ESRRB: variants seen among roughly 807,000 people sequenced by gnomAD.
ESRRB encodes estrogen related receptor beta.
A neutral mutation model predicts 46.0 loss-of-function variants in ESRRB; 16 were observed. The observed-to-expected ratio is 0.35, with a 90% CI of 0.24 to 0.53. ESRRB has a LOEUF of 0.53. ESRRB is among the 20% of genes least tolerant of loss of function. ESRRB has a pLI of 0.93. For missense variants in ESRRB, 488 were observed against 607.4 expected (o/e 0.80, Z 2.07); for synonymous variants, 246 against 259.6 (o/e 0.95, Z 0.50).
chr14:76,456,038 G>GCACACACACACACACA (rs60824171), intron 2 of ESRRB, among the ~76,000 whole-genome samples: 25 of 137,286 alleles, frequency 1.8e-4, no homozygotes, highest in African/African-American at 6.2e-4. Flanking sequence ...AGCGAAACTC[G>GCACACACACACACACA]CACACACACA....
intron 5 of ESRRB, among the ~76,000 whole-genome samples, chr14:76,488,232 G>A (rs2140043517): frequency 6.6e-6 from 1 of 152,322 alleles, no homozygotes; most frequent in Middle Eastern, 3.4e-3. Context: ...GAAGAAGGCT[G>A]TATCACCAAT....
At chr14:76,465,942 G>A (rs918906173) in intron 3 of ESRRB, among the ~76,000 whole-genome samples, 1 of 152,226 alleles carries the variant, frequency 6.6e-6, no homozygotes, top group African/African-American at 2.4e-5. Flanking sequence ...GACCCCCTTG[G>A]GAGGAGCATC....
At chr14:76,488,943 A>C (rs1312575266) in intron 5 of ESRRB, among the ~76,000 whole-genome samples, 1 of 152,140 alleles carries the variant, frequency 6.6e-6, no homozygotes, top group Non-Finnish European at 1.5e-5. Context: ...GGCAGGGAGC[A>C]GTTCTGGACT....
At chr14:76,406,858 A>G (rs934660155) in intron 1 of ESRRB, among the ~76,000 whole-genome samples, 5 of 152,190 alleles carry the variant, frequency 3.3e-5, no homozygotes, top group South Asian at 2.1e-4. Flanking sequence ...TAAACAGACT[A>G]ATTGGGTAGG....
intron 3 of ESRRB, among the ~76,000 whole-genome samples, chr14:76,464,316 C>T (rs1394528962): frequency 6.6e-6 from 1 of 152,174 alleles, no homozygotes; most frequent in African/African-American, 2.4e-5. Context: ...CTCCTGCTAC[C>T]CCCTCTCCCA....
At chr14:76,343,476 C>G (rs1209982144) in intron 1 of ESRRB, among the ~76,000 whole-genome samples, 2 of 152,192 alleles carry the variant, frequency 1.3e-5, no homozygotes, top group Non-Finnish European at 2.9e-5. Flanking sequence ...GTGGGCAGGG[C>G]TTGGGGAGAG....
intron 1 of ESRRB, among the ~76,000 whole-genome samples, chr14:76,419,235 G>A (rs1019065456): frequency 5.3e-5 from 8 of 151,764 alleles, no homozygotes; most frequent in Admixed American, 2.6e-4. Flanking sequence ...GGCTGATCTC[G>A]AACTCCTGAC....
At chr14:76,445,746 G>A (rs1360781094) in intron 2 of ESRRB, among the ~76,000 whole-genome samples, 1 of 150,010 alleles carries the variant, frequency 6.7e-6, no homozygotes, top group Non-Finnish European at 1.5e-5. Flanking sequence ...GTTCAGTGGA[G>A]CGATCCTGGC....
At chr14:76,400,876 A>G (rs1885912581) in intron 1 of ESRRB, among the ~76,000 whole-genome samples, 1 of 152,194 alleles carries the variant, frequency 6.6e-6, no homozygotes, top group Admixed American at 6.5e-5. Context: ...TGCAGAGGGC[A>G]GCTGGTTCTA....
chr14:76,359,919 G>A (rs1027795637), intron 1 of ESRRB, among the ~76,000 whole-genome samples: 17 of 152,188 alleles, frequency 1.1e-4, no homozygotes, highest in African/African-American at 4.1e-4. Flanking sequence ...TCACGTATCT[G>A]TTATGTCTGG....
intron 1 of ESRRB, among the ~76,000 whole-genome samples, chr14:76,399,618 G>A (rs1382977080): frequency 5.9e-5 from 9 of 152,222 alleles, no homozygotes; most frequent in Admixed American, 5.9e-4. Context: ...GGGTGACAGA[G>A]CTGAGCAAAG....
chr14:76,334,386 G>A (rs942110357), intron 1 of ESRRB, among the ~76,000 whole-genome samples: 1 of 152,140 alleles, frequency 6.6e-6, no homozygotes, highest in South Asian at 2.1e-4. Context: ...TACGAATCCT[G>A]GGCGGAGGGC....
intron 1 of ESRRB, among the ~76,000 whole-genome samples, chr14:76,346,545 C>T (rs989205206): frequency 5.3e-5 from 8 of 152,230 alleles, no homozygotes; most frequent in African/African-American, 1.9e-4. Flanking sequence ...GGCCTCAAGA[C>T]ACCATGGGGG....
At chr14:76,421,539 A>G (rs1237902490) in intron 1 of ESRRB, among the ~76,000 whole-genome samples, 1 of 152,220 alleles carries the variant, frequency 6.6e-6, no homozygotes, top group Non-Finnish European at 1.5e-5. Context: ...GAGCTTGCAC[A>G]TCTGTTTACT....
At chr14:76,427,470 G>T (rs183763544) in intron 1 of ESRRB, among the ~76,000 whole-genome samples, 13 of 152,168 alleles carry the variant, frequency 8.5e-5, no homozygotes, top group African/African-American at 2.6e-4. Flanking sequence ...TTCTAGCAGT[G>T]CCTGAATATG....
chr14:76,489,897 CCAA>C (rs910629967), intron 5 of ESRRB, among the ~76,000 whole-genome samples: 32 of 152,228 alleles, frequency 2.1e-4, no homozygotes, highest in South Asian at 6.2e-4. Context: ...CAATGGTGTG[CCAA>C]CAACAACAAC....
At chr14:76,333,455 C>CATATATATATTTATATATGATATATTT (rs1884087362) in intron 1 of ESRRB, among the ~76,000 whole-genome samples, 6 of 53,366 alleles carry the variant, frequency 1.1e-4, no homozygotes, top group Non-Finnish European at 1.4e-4. Flanking sequence ...ATAAGTATAT[C>CATATATATATTTATATATGATATATTT]ATATATAAAT....
In ESRRB at chr14:76,380,221, C is replaced by G. The variant is rs961881943; in HGVS notation, c.50+3770C>G. Among the ~76,000 whole-genome samples the G allele has an allele frequency of 3.9e-5, 6 of 152,256 alleles. No individual in the cohort carries two copies. In the South Asian group the frequency reaches 1.2e-3, roughly 32 times the overall value. On this transcript the variant is annotated intron_variant, in intron 1 of 6. Transcript: ENST00000644823. ...TGCTGAATGCCTTGTTTCTTTTGAG[C>G]AAAGATCTGCCTACTTCTGATGGGC...
At chr14:76,437,967 T>G (rs1418807416) in intron 1 of ESRRB, among the ~76,000 whole-genome samples, 2 of 152,092 alleles carry the variant, frequency 1.3e-5, no homozygotes, top group Non-Finnish European at 2.9e-5. Flanking sequence ...TCACCTGGAC[T>G]TTGTGGGTGG....
Sources: gnomAD v4.1 joint callset for allele counts (sites outside exome capture counted in the v4.1 genomes callset) on GRCh38, gnomAD v4.1.1 for gene constraint, MANE v1.5 for transcripts, NCBI Gene and HGNC (gene_info 2026-07-23, HGNC 2026-07-21) for gene names.